Variants in UBE2E3 observed in about 807,000 individuals in gnomAD.
The protein encoded by UBE2E3 is ubiquitin-conjugating enzyme E2 E3.
UBE2E3 carries 5 observed loss-of-function variants against 23.6 expected under a neutral mutation model. The ratio of observed to expected loss-of-function variants is 0.21; its 90% confidence interval spans 0.11 to 0.44. The LOEUF (loss-of-function observed/expected upper bound fraction) is 0.44. Ranked by LOEUF, UBE2E3 falls within the 20% of genes least tolerant of loss-of-function variation. UBE2E3 has a pLI of 0.99. For synonymous variants in UBE2E3, 78 were observed against 87.5 expected (o/e 0.89, Z 0.60); for missense variants, 81 against 249.8 (o/e 0.32, Z 4.55).
Position 181,038,291 on chromosome 2 carries a change from G to A in UBE2E3, c.246-19402G>A, listed in dbSNP as rs79774971. 8.5e-3 allele frequency among the ~76,000 whole-genome samples: 1,288 copies of A among 152,264 alleles called. 21 individuals are homozygous for A. The highest frequency in any genetic ancestry group is 0.029 in the African/African-American group (1,223 of 41,524). On this transcript the variant is annotated intron_variant, in intron 3 of 5. Transcript: ENST00000410062. ...TTCTATATAATAACATACTGTGTGA[G>A]TTTGTAGCCTGGGAGCAATAGGCTA...
chr2:180,992,485 C>T (rs1684690943), intron 3 of UBE2E3, among the ~76,000 whole-genome samples: 1 of 152,208 alleles, frequency 6.6e-6, no homozygotes, highest in Non-Finnish European at 1.5e-5. Context: ...AGATTTATTT[C>T]TCACTCATGT....
intron 3 of UBE2E3, among the ~76,000 whole-genome samples, chr2:181,053,240 A>AACTAT (rs1686895466): frequency 6.6e-6 from 1 of 151,790 alleles, no homozygotes; most frequent in African/African-American, 2.4e-5. Context: ...GTAGTTTTAA[A>AACTAT]ATGTCTAACC....
chr2:181,058,483 C>G (rs1017399225), intron 4 of UBE2E3, among the ~76,000 whole-genome samples: 3 of 151,680 alleles, frequency 2.0e-5, no homozygotes, highest in Non-Finnish European at 4.4e-5. Flanking sequence ...GAATGGCTCC[C>G]TCCGCTAACT....
chr2:181,008,906 C>CT (rs3060037), intron 3 of UBE2E3, among the ~76,000 whole-genome samples: 2,099 of 142,350 alleles, frequency 0.015, 32 homozygotes, highest in African/African-American at 0.043. Flanking sequence ...GCAGTATGTG[C>CT]TTTTTTTTTT....
chr2:181,010,556 T>C (rs1685293012), intron 3 of UBE2E3, among the ~76,000 whole-genome samples: 1 of 152,240 alleles, frequency 6.6e-6, no homozygotes, highest in South Asian at 2.1e-4. Flanking sequence ...ATCTGTGTTC[T>C]CTAATGTAAG....
At chr2:181,021,290 T>C (rs187753943) in intron 3 of UBE2E3, among the ~76,000 whole-genome samples, 8 of 152,228 alleles carry the variant, frequency 5.3e-5, no homozygotes, top group Admixed American at 1.3e-4. Context: ...TTTTTCTGTC[T>C]TTATCCGAGT....
chr2:181,017,987 C>T (rs1235369184), intron 3 of UBE2E3, among the ~76,000 whole-genome samples: 1 of 151,574 alleles, frequency 6.6e-6, no homozygotes, highest in African/African-American at 2.4e-5. Context: ...TTCACAGTGC[C>T]TTTACTTTCT....
intron 3 of UBE2E3, among the ~76,000 whole-genome samples, chr2:181,036,733 G>GT (rs904938032): frequency 6.6e-6 from 1 of 152,056 alleles, no homozygotes; most frequent in Non-Finnish European, 1.5e-5. Flanking sequence ...ACTCTAACTT[G>GT]TTTTTTATTA....
At chr2:181,039,019 C>G (rs532804034) in intron 3 of UBE2E3, among the ~76,000 whole-genome samples, 65 of 151,292 alleles carry the variant, frequency 4.3e-4, no homozygotes, top group Middle Eastern at 3.4e-3. Context: ...GGGTTTCTTA[C>G]TATAAACATA....
chr2:181,054,186 GT>G (rs1297844284), intron 3 of UBE2E3, among the ~76,000 whole-genome samples: 3 of 151,800 alleles, frequency 2.0e-5, no homozygotes, highest in Admixed American at 6.6e-5. Flanking sequence ...GTGGACATAA[GT>G]TTTCAGTTCA....
chr2:181,041,710 GATTA>G (rs1269657117), intron 3 of UBE2E3, among the ~76,000 whole-genome samples: 1 of 8,192 alleles, frequency 1.2e-4, no homozygotes, highest in African/African-American at 8.2e-4. Context: ...TGCTGGGATT[GATTA>G]CAGGTGTGAT....
chr2:181,019,756 A>G (rs138619725), intron 3 of UBE2E3, among the ~76,000 whole-genome samples: 1 of 152,330 alleles, frequency 6.6e-6, no homozygotes, highest in East Asian at 1.9e-4. Context: ...ATTTTGATAC[A>G]TGTATATTGT....
At chr2:181,020,009 G>A (rs1055603912) in intron 3 of UBE2E3, among the ~76,000 whole-genome samples, 4 of 152,018 alleles carry the variant, frequency 2.6e-5, no homozygotes, top group African/African-American at 7.2e-5. Context: ...TTCCCCATAC[G>A]TCAACCCCTG....
chr2:180,989,777 C>G (rs1684599247), intron 3 of UBE2E3: 4 of 1,230,110 alleles, frequency 3.3e-6, no homozygotes, highest in Non-Finnish European at 4.3e-6. Context: ...TACTTCGCAG[C>G]TACATGCTCA....
At chr2:181,050,404 G>A (rs549240862) in intron 3 of UBE2E3, among the ~76,000 whole-genome samples, 1 of 151,802 alleles carries the variant, frequency 6.6e-6, no homozygotes, top group African/African-American at 2.4e-5. Context: ...TTTGTTCAAC[G>A]GGATTCTCTT....
chr2:180,991,395 C>G (rs185083827), intron 3 of UBE2E3, among the ~76,000 whole-genome samples: 1 of 152,280 alleles, frequency 6.6e-6, no homozygotes, highest in East Asian at 1.9e-4. Flanking sequence ...TTGGCATATC[C>G]AAACTGCCAG....
chr2:181,052,804 T>C (rs917467244), intron 3 of UBE2E3, among the ~76,000 whole-genome samples: 2 of 151,830 alleles, frequency 1.3e-5, no homozygotes, highest in Non-Finnish European at 2.9e-5. Flanking sequence ...TGTTTTATTT[T>C]CTTTGTTCTG....
intron 3 of UBE2E3, among the ~76,000 whole-genome samples, chr2:181,038,615 TAAAGTA>T (rs1375026121): frequency 4.6e-5 from 7 of 152,154 alleles, no homozygotes; most frequent in African/African-American, 7.2e-5. Context: ...AGGTGGAACT[TAAAGTA>T]AAAGACACTG....
intron 3 of UBE2E3, among the ~76,000 whole-genome samples, chr2:180,986,624 A>G (rs1259784813): frequency 6.6e-6 from 1 of 152,150 alleles, no homozygotes; most frequent in African/African-American, 2.4e-5. Context: ...AATGGAATCT[A>G]TATTCATAAA....
Sources: gnomAD v4.1 joint callset for allele counts (sites outside exome capture counted in the v4.1 genomes callset) on GRCh38, gnomAD v4.1.1 for gene constraint, MANE v1.5 for transcripts, NCBI Gene and HGNC (gene_info 2026-07-23, HGNC 2026-07-21) for gene names.